KCNIP4: variants seen among roughly 807,000 people sequenced by gnomAD.
KCNIP4 encodes potassium voltage-gated channel interacting protein 4.
KCNIP4 carries 12 observed loss-of-function variants against 34.0 expected under a neutral mutation model. The ratio of observed to expected loss-of-function variants is 0.35; its 90% CI spans 0.23 to 0.57. The LOEUF is 0.57. Among genes scored for constraint, KCNIP4 ranks in the 20% least tolerant of loss-of-function variants. The pLI is 0.83. For missense variants in KCNIP4, 238 were observed against 311.7 expected (o/e 0.76, Z 1.78); for synonymous variants, 124 against 102.2 (o/e 1.21, Z -1.29).
Position 21,361,405 on chromosome 4 carries a change from C to T in KCNIP4, c.62-478696G>A, listed in dbSNP as rs563245845. Reference sequence around the variant, plus strand: ...ATGTTAGTCATTGTTCTTATCTGCCCCCTGACAATATTTGTATCAGCAATC... The same window carrying T: ...ATGTTAGTCATTGTTCTTATCTGCCTCCTGACAATATTTGTATCAGCAATC... On this transcript the variant is annotated intron_variant, in intron 1 of 8. Transcript: ENST00000382152. 1.1e-3 allele frequency among the ~76,000 whole-genome samples: 165 copies of T among 151,972 alleles called. 3 individuals carry two copies. Among genetic ancestry groups the T allele is most frequent in the African/African-American group, 3.8e-3 (158 of 41,438 alleles).
At chr4:21,554,659 C>T (rs538558766) in intron 1 of KCNIP4, among the ~76,000 whole-genome samples, 2 of 152,234 alleles carry the variant, frequency 1.3e-5, no homozygotes, top group African/African-American at 4.8e-5. Flanking sequence ...AGTGTGCCCC[C>T]TCACTCTGCT....
At chr4:21,736,877 G>A (rs1170191400) in intron 1 of KCNIP4, among the ~76,000 whole-genome samples, 1 of 152,112 alleles carries the variant, frequency 6.6e-6, no homozygotes, top group Non-Finnish European at 1.5e-5. Context: ...TACTAAATAT[G>A]GTCAGCTAGA....
intron 1 of KCNIP4, among the ~76,000 whole-genome samples, chr4:21,862,182 C>T (rs1725115230): frequency 6.6e-6 from 1 of 152,150 alleles, no homozygotes; most frequent in African/African-American, 2.4e-5. Flanking sequence ...TCCCATCACT[C>T]ACTGTTACTT....
At chr4:20,733,907 C>T (rs1287098575) in intron 6 of KCNIP4, among the ~76,000 whole-genome samples, 6 of 152,216 alleles carry the variant, frequency 3.9e-5, no homozygotes, top group Non-Finnish European at 7.3e-5. Flanking sequence ...TCTCCAGTAG[C>T]GCAAGTTCAT....
chr4:21,242,008 A>T (rs182344186), intron 1 of KCNIP4, among the ~76,000 whole-genome samples: 1 of 151,762 alleles, frequency 6.6e-6, no homozygotes. Context: ...CTAAAAATAC[A>T]AAAAAATTAG....
At chr4:20,762,896 A>T (rs1489300672) in intron 3 of KCNIP4, among the ~76,000 whole-genome samples, 1 of 152,180 alleles carries the variant, frequency 6.6e-6, no homozygotes, top group Non-Finnish European at 1.5e-5. Flanking sequence ...AGGCCTCAGG[A>T]AACTTACAAT....
chr4:21,241,646 T>C (rs1312623980), intron 1 of KCNIP4, among the ~76,000 whole-genome samples: 1 of 152,146 alleles, frequency 6.6e-6, no homozygotes, highest in African/African-American at 2.4e-5. Context: ...TTAATTCATA[T>C]TGTGAAGAAA....
intron 1 of KCNIP4, among the ~76,000 whole-genome samples, chr4:21,855,020 C>A (rs553606956): frequency 1.3e-5 from 2 of 152,132 alleles, no homozygotes; most frequent in African/African-American, 4.8e-5. Flanking sequence ...ATCATTTGCC[C>A]CTGCCAACTC....
At chr4:21,831,290 G>A (rs939865146) in intron 1 of KCNIP4, among the ~76,000 whole-genome samples, 6 of 151,312 alleles carry the variant, frequency 4.0e-5, no homozygotes, top group African/African-American at 1.5e-4. Context: ...AAAGAAGGAA[G>A]GAAATAAAAG....
intron 1 of KCNIP4, among the ~76,000 whole-genome samples, chr4:21,382,758 T>C (rs1721633762): frequency 6.6e-6 from 1 of 152,130 alleles, no homozygotes; most frequent in African/African-American, 2.4e-5. Context: ...TGAAACAAAA[T>C]ACCAGAAACT....
At chr4:20,895,014 T>C (rs1726350450) in intron 1 of KCNIP4, among the ~76,000 whole-genome samples, 2 of 152,182 alleles carry the variant, frequency 1.3e-5, no homozygotes, top group Admixed American at 6.5e-5. Context: ...CAGAGGAAAT[T>C]GATGGTAAAG....
intron 1 of KCNIP4, among the ~76,000 whole-genome samples, chr4:21,802,149 A>G (rs1407366488): frequency 6.6e-6 from 1 of 152,120 alleles, no homozygotes; most frequent in Non-Finnish European, 1.5e-5. Flanking sequence ...TTACAAATCA[A>G]AACCACAGTA....
chr4:21,416,970 T>C (rs921160534), intron 1 of KCNIP4, among the ~76,000 whole-genome samples: 1 of 152,116 alleles, frequency 6.6e-6, no homozygotes, highest in Non-Finnish European at 1.5e-5. Context: ...TCATGTGAAA[T>C]TGTGTTCTCT....
chr4:21,869,773 GATA>G (rs1725661671), intron 1 of KCNIP4, among the ~76,000 whole-genome samples: 1 of 151,144 alleles, frequency 6.6e-6, no homozygotes, highest in Non-Finnish European at 1.5e-5. Flanking sequence ...TAGATAGATA[GATA>G]GATAGATAGA....
At chr4:21,537,600 T>C (rs912802935) in intron 1 of KCNIP4, among the ~76,000 whole-genome samples, 2 of 152,142 alleles carry the variant, frequency 1.3e-5, no homozygotes, top group Admixed American at 1.3e-4. Context: ...TTGGAATTTG[T>C]GAATATAACC....
At chr4:20,816,125 C>T (rs1716344073) in intron 3 of KCNIP4, among the ~76,000 whole-genome samples, 1 of 151,916 alleles carries the variant, frequency 6.6e-6, no homozygotes, top group South Asian at 2.1e-4. Flanking sequence ...TGGTGGTGCA[C>T]ACCTGTAGTC....
chr4:21,758,470 T>C (rs191804441), intron 1 of KCNIP4, among the ~76,000 whole-genome samples: 113 of 152,354 alleles, frequency 7.4e-4, no homozygotes, highest in Non-Finnish European at 1.6e-4. Flanking sequence ...TGCAGGACTT[T>C]GGCACATGCT....
intron 1 of KCNIP4, among the ~76,000 whole-genome samples, chr4:21,731,094 A>C (rs1465381497): frequency 6.7e-6 from 1 of 148,368 alleles, no homozygotes; most frequent in African/African-American, 2.5e-5. Context: ...AGCCTGGGCA[A>C]CTGAAGTAAG....
intron 1 of KCNIP4, among the ~76,000 whole-genome samples, chr4:21,351,635 T>C (rs573693919): frequency 6.6e-6 from 1 of 152,296 alleles, no homozygotes; most frequent in South Asian, 2.1e-4. Context: ...TTTAAAGAGA[T>C]AGTTAAGGTG....
Sources: gnomAD v4.1 joint callset for allele counts (sites outside exome capture counted in the v4.1 genomes callset) on GRCh38, gnomAD v4.1.1 for gene constraint, MANE v1.5 for transcripts, NCBI Gene and HGNC (gene_info 2026-07-23, HGNC 2026-07-21) for gene names.